The following PRKCH variants were observed in gnomAD, a reference collection of about 807,000 sequenced individuals.
The protein encoded by PRKCH is protein kinase C eta.
A neutral mutation model predicts 82.5 loss-of-function variants in PRKCH; 28 were observed. The observed-to-expected ratio is 0.34, with a 90% confidence interval of 0.25 to 0.47. The LOEUF is 0.47. Ranked by LOEUF, PRKCH falls within the 20% of genes least tolerant of loss-of-function variation. The pLI, the probability that PRKCH is intolerant of heterozygous loss-of-function variation, is 1.00. For missense variants in PRKCH, 705 were observed against 881.8 expected (o/e 0.80, Z 2.54); for synonymous variants, 322 against 327.4 (o/e 0.98, Z 0.18).
intron 1 of PRKCH, among the ~76,000 whole-genome samples, chr14:61,220,581 A>G (rs1265671788): frequency 6.6e-6 from 1 of 152,260 alleles, no homozygotes; most frequent in Non-Finnish European, 1.5e-5. Context: ...CACTGGACAT[A>G]AAGGACAGTG....
At chr14:61,240,241 AGAGG>A (rs1215412533) in intron 1 of PRKCH, among the ~76,000 whole-genome samples, 1 of 152,200 alleles carries the variant, frequency 6.6e-6, no homozygotes, top group Admixed American at 6.5e-5. Context: ...TCCCCTGTAC[AGAGG>A]GAGGGAGGGA....
At chr14:61,357,259 A>G (rs1315618169) in intron 1 of PRKCH, among the ~76,000 whole-genome samples, 1 of 152,106 alleles carries the variant, frequency 6.6e-6, no homozygotes, top group Non-Finnish European at 1.5e-5. Context: ...CCATGCAGTT[A>G]CTGTTCTTCT....
intron 10 of PRKCH, among the ~76,000 whole-genome samples, chr14:61,518,437 A>C (rs1177298975): frequency 9.5e-6 from 1 of 105,300 alleles, no homozygotes; most frequent in African/African-American, 4.7e-5. Context: ...GTGGAATGCA[A>C]AAAAAAAAAA....
At chr14:61,529,961 A>G (rs2043024474) in intron 11 of PRKCH, among the ~76,000 whole-genome samples, 1 of 152,220 alleles carries the variant, frequency 6.6e-6, no homozygotes, top group South Asian at 2.1e-4. Context: ...CTTTAGCCCT[A>G]AATGAAGACA....
Position 61,322,376 on chromosome 14 carries a change from T to A in PRKCH, c.275T>A (p.Leu92Gln). Residue 92 changes from leucine to glutamine, a missense_variant, in exon 1 of 14, where the codon CTG becomes CAG. Physicochemically the swap from Leu to Gln is moderately radical, Grantham distance 113. This residue lies in a region of PRKCH where 246 missense variants were observed against 308.0 expected (regional missense o/e 0.80). Transcript: ENST00000332981. ...LELAVFHETPLGYDHFVANCT... is the reference protein window; with the variant it reads ...LELAVFHETPQGYDHFVANCT... Reference sequence around the variant, plus strand: ...TTGGCCGTCTTCCACGAGACGCCCCTGGGCTACGACCACTTCGTGGCCAAC... The same window carrying A: ...TTGGCCGTCTTCCACGAGACGCCCCAGGGCTACGACCACTTCGTGGCCAAC... The A allele has an allele frequency of 6.2e-7, 1 of 1,613,110 alleles. No individual in the cohort carries two copies. Among genetic ancestry groups the A allele is most frequent in the Non-Finnish European group, 8.5e-7 (1 of 1,179,826 alleles).
chr14:61,418,160 C>T (rs1156932433), intron 2 of PRKCH, among the ~76,000 whole-genome samples: 1 of 152,202 alleles, frequency 6.6e-6, no homozygotes, highest in African/African-American at 2.4e-5. Context: ...GCAAACTGCA[C>T]GTACGATGTA....
intron 1 of PRKCH, among the ~76,000 whole-genome samples, chr14:61,341,720 C>G (rs1410750995): frequency 1.3e-5 from 2 of 152,182 alleles, no homozygotes; most frequent in African/African-American, 4.8e-5. Flanking sequence ...CAGTAGTAAC[C>G]AGGTCGAAGG....
intron 1 of PRKCH, among the ~76,000 whole-genome samples, chr14:61,277,045 G>T (rs1271059831): frequency 6.6e-6 from 1 of 152,018 alleles, no homozygotes; most frequent in East Asian, 1.9e-4. Flanking sequence ...AATTAGCTGG[G>T]CGTGGTGGTG....
chr14:61,373,593 A>G (rs1047364084), intron 1 of PRKCH, among the ~76,000 whole-genome samples: 1 of 151,578 alleles, frequency 6.6e-6, no homozygotes, highest in African/African-American at 2.4e-5. Context: ...CAGTCCCCCA[A>G]AGTCTTCGTT....
intron 2 of PRKCH, among the ~76,000 whole-genome samples, chr14:61,408,367 A>G (rs1882078956): frequency 6.6e-6 from 1 of 152,168 alleles, no homozygotes; most frequent in East Asian, 1.9e-4. Flanking sequence ...AGTGATGCCT[A>G]CAGTTCCCTG....
Position 61,453,298 on chromosome 14 carries a change from TTG to T in PRKCH, c.906_907del (p.Ala303GlnfsTer42). On this transcript the variant is annotated frameshift_variant, in exon 7 of 14. Coordinates refer to ENST00000332981, the MANE Select transcript of PRKCH (RefSeq NM_006255.5). LOFTEE classifies it high-confidence loss of function. Reference sequence around the variant, plus strand: ...AACTGTGGGGTAAATGCGGTGGAACTTGCCAAGACCCTGGCAGGGATGGGTCT... The same window carrying T: ...AACTGTGGGGTAAATGCGGTGGAACTCCAAGACCCTGGCAGGGATGGGTCT... 6.2e-7 allele frequency: 1 copy of T among 1,614,154 alleles called. No individual in the cohort carries two copies. The highest frequency in any genetic ancestry group is 8.5e-7 in the Non-Finnish European group (1 of 1,179,998).
intron 1 of PRKCH, among the ~76,000 whole-genome samples, chr14:61,245,512 T>C (rs1382611755): frequency 6.6e-6 from 1 of 152,188 alleles, no homozygotes; most frequent in African/African-American, 2.4e-5. Context: ...TGTGGGCAGG[T>C]AATGGAAACC....
chr14:61,347,264 T>G (rs918259619), intron 1 of PRKCH, among the ~76,000 whole-genome samples: 1 of 152,260 alleles, frequency 6.6e-6, no homozygotes, highest in Non-Finnish European at 1.5e-5. Flanking sequence ...TTTTATTTAA[T>G]TGTTTTCCCT....
At chr14:61,549,023 A>T (rs2043294839) in intron 13 of PRKCH, among the ~76,000 whole-genome samples, 1 of 152,196 alleles carries the variant, frequency 6.6e-6, no homozygotes, top group Non-Finnish European at 1.5e-5. Flanking sequence ...CTAACAGCCT[A>T]CTAGGCTGTT....
At chr14:61,380,418 T>A (rs2046488096) in intron 1 of PRKCH, among the ~76,000 whole-genome samples, 1 of 150,330 alleles carries the variant, frequency 6.7e-6, no homozygotes, top group Non-Finnish European at 1.5e-5. Context: ...GAGCAGAGTC[T>A]TGCCTGGCAT....
rs770575118 is a variant in PRKCH, at chr14:61,280,057, G to C, written c.-19+92389G>C. The C allele has an allele frequency of 2.0e-5, 31 of 1,539,610 alleles. No individual in the cohort carries two copies. The highest frequency in any genetic ancestry group is 2.5e-5 in the Non-Finnish European group (29 of 1,142,146). On this transcript the variant is annotated intron_variant, in intron 1 of 3. Transcript: ENST00000555185. This position sits in a 1 kb window ranked among gnomAD's most constrained non-coding sequence, Gnocchi z 5.0. ...GCCAAAAGCACCTTGCAAGAGTTTT[G>C]GCAAGAAGCAGGAGGGATCCCTGGA...
At chr14:61,315,194 G>GCCC (rs1262317919) in intron 1 of PRKCH, among the ~76,000 whole-genome samples, 1 of 152,054 alleles carries the variant, frequency 6.6e-6, no homozygotes. Context: ...TAGGACCCCT[G>GCCC]CCCTGCAAAC....
At chr14:61,543,685 G>A (rs541018555) in intron 12 of PRKCH, 1 of 152,346 alleles carries the variant, frequency 6.6e-6, no homozygotes. Context: ...CTTAAATGTG[G>A]ATGAAAGTGA....
chr14:61,324,869 C>A (rs916983769), intron 1 of PRKCH, among the ~76,000 whole-genome samples: 6 of 152,002 alleles, frequency 3.9e-5, no homozygotes, highest in African/African-American at 1.5e-4. Flanking sequence ...GAATTTACTC[C>A]ATAATAAATT....
Sources: gnomAD v4.1 joint callset for allele counts (sites outside exome capture counted in the v4.1 genomes callset) on GRCh38, gnomAD v4.1.1 for gene constraint, gnomAD v4.1.1 regional missense constraint, Gnocchi (gnomAD v3.1) non-coding constraint, MANE v1.5 for transcripts, NCBI Gene and HGNC (gene_info 2026-07-23, HGNC 2026-07-21) for gene names.